LRCH1: variants seen among roughly 807,000 people sequenced by gnomAD.
LRCH1 encodes leucine rich repeats and calponin homology domain containing 1.
Under a neutral mutation model 94.9 loss-of-function variants are expected in LRCH1, and 23 were observed. The ratio of observed to expected loss-of-function variants is 0.24; its 90% confidence interval spans 0.17 to 0.34. The LOEUF (loss-of-function observed/expected upper bound fraction) is 0.34, where lower values mean the gene tolerates loss of function less well. LRCH1 is among the 10% of genes least tolerant of loss of function. The pLI is 1.00. For synonymous variants in LRCH1, 364 were observed against 354.9 expected, an observed-to-expected ratio of 1.03 and a Z score of -0.29; for missense variants, 790 against 945.9, an observed-to-expected ratio of 0.84 and a Z score of 2.16.
intron 1 of LRCH1, among the ~76,000 whole-genome samples, chr13:46,554,792 C>T (rs1450353663): frequency 1.3e-5 from 2 of 152,186 alleles, no homozygotes; most frequent in East Asian, 3.9e-4. Flanking sequence ...AAGCGCCCAA[C>T]ATTTCCCAGG....
chr13:46,735,280 C>T (rs547266283), intron 19 of LRCH1, among the ~76,000 whole-genome samples: 12 of 152,234 alleles, frequency 7.9e-5, no homozygotes, highest in African/African-American at 2.6e-4. Context: ...TATATGTGAA[C>T]GCACTTACAT....
chr13:46,612,787 C>T (rs1029791594), intron 1 of LRCH1, among the ~76,000 whole-genome samples: 1 of 152,280 alleles, frequency 6.6e-6, no homozygotes, highest in Non-Finnish European at 1.5e-5. Flanking sequence ...AAACAGATTA[C>T]AATATCATTT....
rs150459629 is a variant in LRCH1 at position 46,614,523 on chromosome 13, A to G, written c.308-35678A>G. Among the ~76,000 whole-genome samples the G allele has an allele frequency of 2.8e-4, 42 of 152,354 alleles. No homozygotes were observed. The East Asian group carries it at 7.1e-3, about 26-fold the overall frequency. The stretch of plus-strand genomic sequence containing the variant: ...AAACCCAAACTGTTCTTAGAGGGAA[A>G]AGCATGCACAGTTAAGGAAACTTTT... On this transcript the variant is annotated intron_variant, in intron 1 of 19. Coordinates refer to ENST00000389797, the MANE Select transcript of LRCH1 (RefSeq NM_001164211.2).
intron 12 of LRCH1, 41 bp downstream of exon 12, chr13:46,705,198 A>G (rs779053028): frequency 1.3e-6 from 2 of 1,591,788 alleles, no homozygotes; most frequent in Non-Finnish European, 1.7e-6. Flanking sequence ...TTCTCTTTTC[A>G]TAATACATTG....
chr13:46,726,903 T>C (rs1291531391), intron 17 of LRCH1, among the ~76,000 whole-genome samples: 2 of 137,674 alleles, frequency 1.5e-5, no homozygotes, highest in African/African-American at 5.3e-5. Flanking sequence ...AAAACAGAGA[T>C]TTAAATAGGA....
chr13:46,555,337 T>A (rs1404451882), intron 1 of LRCH1, among the ~76,000 whole-genome samples: 1 of 152,238 alleles, frequency 6.6e-6, no homozygotes, highest in Admixed American at 6.5e-5. Context: ...AAAATAGAGC[T>A]GGCATGACTA....
At chr13:46,712,279 C>T (rs764150431) in intron 14 of LRCH1, among the ~76,000 whole-genome samples, 10 of 152,116 alleles carry the variant, frequency 6.6e-5, no homozygotes, top group Admixed American at 2.0e-4. Flanking sequence ...GCCAGTGTCA[C>T]GTAATTGTAA....
chr13:46,589,593 CTTTTTTTTTTTT>C (rs762747151), intron 1 of LRCH1, among the ~76,000 whole-genome samples: 1 of 77,712 alleles, frequency 1.3e-5, no homozygotes, highest in African/African-American at 5.5e-5. Context: ...AGTTCTCTCA[CTTTTTTTTTTTT>C]TTTTTTTTTT....
At chr13:46,585,536 G>A (rs1391390222) in intron 1 of LRCH1, among the ~76,000 whole-genome samples, 1 of 138,148 alleles carries the variant, frequency 7.2e-6, no homozygotes, top group Non-Finnish European at 1.5e-5. Flanking sequence ...CTGGGCGACA[G>A]AGCGAGACTG....
At chr13:46,611,484 A>T (rs1236897068) in intron 1 of LRCH1, among the ~76,000 whole-genome samples, 1 of 152,214 alleles carries the variant, frequency 6.6e-6, no homozygotes, top group African/African-American at 2.4e-5. Context: ...TGGTAGTGTG[A>T]CAGAATAATG....
At position 46,744,740 on chromosome 13, in the gene LRCH1, A is replaced by G; in HGVS notation, c.*2892A>G. 1.0e-6 allele frequency: 1 copy of G among 985,414 alleles called. No individual in the cohort carries two copies. The highest frequency in any genetic ancestry group is 1.2e-6 in the Non-Finnish European group (1 of 829,914). 61.0% of individuals were successfully genotyped at this position (985,414 alleles called of 1,614,324 possible). On this transcript the variant is annotated 3_prime_UTR_variant, in exon 20 of 20. Coordinates refer to ENST00000389797, the MANE Select transcript of LRCH1 (RefSeq NM_001164211.2). ...GGTGTTTTGCCTTTGCCTGTGGGGA[A>G]AAAGTAGGGATGATATTTTAAAATT...
intron 2 of LRCH1, among the ~76,000 whole-genome samples, chr13:46,664,549 T>C (rs7333028): frequency 0.76 from 116,225 of 152,176 alleles, 44,674 homozygotes; most frequent in East Asian, 0.91. Context: ...GGCTAGACAC[T>C]TAGGTTTGTG....
chr13:46,559,199 A>G (rs2050103296), intron 1 of LRCH1, among the ~76,000 whole-genome samples: 1 of 152,252 alleles, frequency 6.6e-6, no homozygotes, highest in Admixed American at 6.5e-5. Flanking sequence ...TATAAATATA[A>G]TAAAATTTTT....
intron 1 of LRCH1, among the ~76,000 whole-genome samples, chr13:46,585,349 A>G (rs1886220): frequency 0.82 from 124,249 of 152,032 alleles, 51,066 homozygotes; most frequent in East Asian, 0.91. Context: ...AGGCCGAGGC[A>G]GGCGGATCAC....
At chr13:46,559,506 G>T (rs1422023216) in intron 1 of LRCH1, among the ~76,000 whole-genome samples, 1 of 152,200 alleles carries the variant, frequency 6.6e-6, no homozygotes, top group Admixed American at 6.5e-5. Context: ...AATATCTGTA[G>T]TGGTTCTGAA....
chr13:46,553,681 C>A lies in LRCH1; in HGVS notation c.285C>A (p.Asp95Glu). 6.2e-7 allele frequency: 1 copy of A among 1,610,144 alleles called. No homozygotes were observed. Among genetic ancestry groups the A allele is most frequent in the Non-Finnish European group, 8.5e-7 (1 of 1,179,328 alleles). The part of the protein sequence containing the change: ...EFPRTAAPGH[D>E]LSDTVQADLS... ...CCCGTACCGCAGCCCCCGGGCACGACCTCTCGGACACGGTGCAGGCAGGTG... is the reference window on the plus strand; with the variant it reads ...CCCGTACCGCAGCCCCCGGGCACGAACTCTCGGACACGGTGCAGGCAGGTG... The change falls in exon 1 of 20, where the codon GAC becomes GAA. Residue 95 changes from aspartate to glutamate, a missense_variant. By Grantham distance (45) the Asp-to-Glu change is conservative (BLOSUM62 2). This residue lies in a region of LRCH1 where 136 missense variants were observed against 143.5 expected (regional missense o/e 0.95). Transcript: ENST00000389797.
chr13:46,578,952 T>A (rs1292757969), intron 1 of LRCH1, among the ~76,000 whole-genome samples: 1 of 152,102 alleles, frequency 6.6e-6, no homozygotes, highest in East Asian at 1.9e-4. Flanking sequence ...GACTGCAACC[T>A]CTCAACTCTT....
chr13:46,669,003 T>C (rs758119821), intron 2 of LRCH1, 27 bp from the exon 3 acceptor site: 35 of 1,613,462 alleles, frequency 2.2e-5, no homozygotes, highest in Middle Eastern at 1.6e-4. Flanking sequence ...TCTGTTTACA[T>C]GTGTTCTTGT....
intron 1 of LRCH1, among the ~76,000 whole-genome samples, chr13:46,638,378 C>G (rs1171873891): frequency 6.6e-6 from 1 of 152,138 alleles, no homozygotes; most frequent in Non-Finnish European, 1.5e-5. Context: ...TTAAAACTGG[C>G]ACGGAACCTT....
Sources: gnomAD v4.1 joint callset for allele counts (sites outside exome capture counted in the v4.1 genomes callset) on GRCh38, gnomAD v4.1.1 for gene constraint, gnomAD v4.1.1 regional missense constraint, MANE v1.5 for transcripts, NCBI Gene and HGNC (gene_info 2026-07-23, HGNC 2026-07-21) for gene names.